HDX: variants seen among roughly 807,000 people sequenced by gnomAD.
The protein encoded by HDX is highly divergent homeobox, also known as chromosome X open reading frame 43.
A neutral mutation model predicts 45.2 loss-of-function variants in HDX; 19 were observed. The ratio of observed to expected loss-of-function variants is 0.42; its 90% CI spans 0.29 to 0.62. The LOEUF (loss-of-function observed/expected upper bound fraction) is 0.62. HDX is among the 20% of genes least tolerant of loss of function. The probability of loss-of-function intolerance (pLI) is 0.20; values close to 1 mark genes in which losing one functional copy is unlikely to be tolerated. For missense variants in HDX, 532 were observed against 493.9 expected (o/e 1.08, Z -0.73); for synonymous variants, 188 against 172.8 (o/e 1.09, Z -0.69).
intron 5 of HDX, among the ~76,000 whole-genome samples, chrX:84,375,380 C>A (rs1302468915): frequency 9.0e-6 from 1 of 110,685 alleles, no homozygotes; most frequent in African/African-American, 3.3e-5. Context: ...TTTGACCCAG[C>A]CATCCCATTA....
At chrX:84,404,269 T>C (rs2038767428) in intron 5 of HDX, among the ~76,000 whole-genome samples, 2 of 111,695 alleles carry the variant, frequency 1.8e-5, no homozygotes, top group African/African-American at 6.5e-5. Flanking sequence ...AAGCAAACTA[T>C]TACATTGTGA....
intron 5 of HDX, among the ~76,000 whole-genome samples, chrX:84,389,044 T>C (rs921743601): frequency 7.1e-5 from 8 of 112,078 alleles, no homozygotes; most frequent in African/African-American, 2.6e-4. Flanking sequence ...GGGTGAATTA[T>C]TGTGCTCGGT....
intron 5 of HDX, among the ~76,000 whole-genome samples, chrX:84,372,628 T>TA (rs922530328): frequency 8.9e-6 from 1 of 112,125 alleles, no homozygotes; most frequent in South Asian, 3.7e-4. Context: ...CTTACAGTTT[T>TA]AAAAAATATT....
intron 10 of HDX, among the ~76,000 whole-genome samples, chrX:84,325,497 C>T (rs899671595): frequency 9.0e-6 from 1 of 111,299 alleles, no homozygotes; most frequent in Non-Finnish European, 1.9e-5. Context: ...TAGTTTTTAG[C>T]AGGCTTAACA....
intron 5 of HDX, among the ~76,000 whole-genome samples, chrX:84,414,086 C>T (rs780149555): frequency 1.8e-4 from 20 of 111,659 alleles, no homozygotes; most frequent in Non-Finnish European, 3.4e-4. Context: ...AGTTTGGTAA[C>T]ATGAAATTTT....
intron 4 of HDX, among the ~76,000 whole-genome samples, chrX:84,461,124 A>G (rs1233390855): frequency 1.8e-5 from 2 of 111,507 alleles, no homozygotes; most frequent in African/African-American, 3.3e-5. Flanking sequence ...ATTCAATTCA[A>G]TCCCCGTCAA....
At chrX:84,450,141 A>G (rs2039965970) in intron 4 of HDX, among the ~76,000 whole-genome samples, 1 of 111,904 alleles carries the variant, frequency 8.9e-6, no homozygotes, top group African/African-American at 3.2e-5. Flanking sequence ...ATTATTAAAA[A>G]CCACCAGAAA....
chrX:84,491,818 G>C (rs561800050), intron 1 of HDX, among the ~76,000 whole-genome samples: 1 of 111,401 alleles, frequency 9.0e-6, no homozygotes, highest in Admixed American at 9.6e-5. Context: ...CTTGAAATAT[G>C]ATGTTTTCCA....
chrX:84,485,613 G>A (rs1363636663), intron 2 of HDX, among the ~76,000 whole-genome samples: 4 of 111,531 alleles, frequency 3.6e-5, no homozygotes, highest in African/African-American at 1.3e-4. Context: ...GGCCAGGCTG[G>A]TCTTGAACTC....
In HDX at chrX:84,432,834, G is replaced by A. The variant is rs754026589; in HGVS notation, c.1305+7698C>T. Among the ~76,000 whole-genome samples the A allele has an allele frequency of 1.7e-4, 19 of 110,276 alleles. No individual in the cohort carries two copies. In the South Asian group the frequency reaches 3.1e-3, roughly 18 times the overall value. On this transcript the variant is annotated intron_variant, in intron 5 of 10. Transcript: ENST00000373177. ...TTTTATTTCTTTCTCTTTCCTGATT[G>A]CTCTGGCCAGGACTTCCAGCACTAT...
intron 5 of HDX, among the ~76,000 whole-genome samples, chrX:84,391,743 C>A (rs191539653): frequency 3.6e-5 from 4 of 111,200 alleles, no homozygotes; most frequent in Non-Finnish European, 7.6e-5. Context: ...ATATTTATGT[C>A]TTTTTTGAGA....
chrX:84,446,205 T>C (rs1386747217), intron 4 of HDX, among the ~76,000 whole-genome samples: 1 of 112,003 alleles, frequency 8.9e-6, no homozygotes, highest in East Asian at 2.8e-4. Flanking sequence ...CCTAAAATTA[T>C]GTTCTCTAGC....
rs1210056693 is a variant in HDX, at chrX:84,406,373, G to T, written c.1305+34159C>A. Among the ~76,000 whole-genome samples the T allele has an allele frequency of 4.6e-5, 5 of 108,092 alleles. No individual in the cohort carries two copies. The Admixed American group carries it at 5.0e-4, about 11-fold the overall frequency. 93.9% of individuals were successfully genotyped at this position (108,092 alleles called of 115,157 possible). ...TAGGTGAAGTAATAGGATAAAGTGT[G>T]CCTTGGGCTAGAGAAGTGGCTGTTT... On this transcript the variant is annotated intron_variant, in intron 5 of 10. Transcript: ENST00000373177.
intron 5 of HDX, among the ~76,000 whole-genome samples, chrX:84,404,305 A>G: frequency 9.0e-6 from 1 of 111,346 alleles, no homozygotes; most frequent in Non-Finnish European, 1.9e-5. Flanking sequence ...TGTGTCTTCT[A>G]TTGCATGCAT....
chrX:84,396,580 C>A (rs1351912858), intron 5 of HDX, among the ~76,000 whole-genome samples: 1 of 112,153 alleles, frequency 8.9e-6, no homozygotes, highest in Non-Finnish European at 1.9e-5. Context: ...AGTTCTCAGG[C>A]TATACAGCAG....
intron 5 of HDX, among the ~76,000 whole-genome samples, chrX:84,394,502 T>C (rs911283508): frequency 1.8e-5 from 2 of 111,904 alleles, no homozygotes; most frequent in Non-Finnish European, 1.9e-5. Flanking sequence ...TATAAATGTA[T>C]GTTAGGTCCG....
chrX:84,441,446 T>G (rs968533873), intron 4 of HDX, among the ~76,000 whole-genome samples: 1 of 112,047 alleles, frequency 8.9e-6, no homozygotes, highest in South Asian at 3.6e-4. Flanking sequence ...AATAGTGGCC[T>G]CAATAGAAGT....
rs781308464 is a variant in HDX at position 84,447,050 on chromosome X, G to A, written c.1252-6465C>T. Among the ~76,000 whole-genome samples, 282 of 112,010 alleles carry A rather than the reference G, an allele frequency of 2.5e-3. 1 individual carries two copies. The highest frequency in any genetic ancestry group is 8.8e-3 in the African/African-American group (270 of 30,824). On this transcript the variant is annotated intron_variant, in intron 4 of 10. Transcript: ENST00000373177. ...GAATTGGTGAGAAGCAGTGAACAAA[G>A]CTCATGAAAACCTCAGAGAGACTGA...
At chrX:84,466,247 G>C (rs1800467909) in intron 4 of HDX, among the ~76,000 whole-genome samples, 1 of 112,257 alleles carries the variant, frequency 8.9e-6, no homozygotes, top group African/African-American at 3.2e-5. Context: ...GAGTTCATAT[G>C]TATAAGAAGT....
Sources: allele counts gnomAD v4.1 joint callset (sites outside exome capture counted in the v4.1 genomes callset), GRCh38; gene constraint gnomAD v4.1.1; transcripts MANE v1.5; gene names NCBI Gene and HGNC (gene_info 2026-07-23, HGNC 2026-07-21).